Variants in PDLIM5 observed in about 807,000 individuals in gnomAD.
PDLIM5 encodes PDZ and LIM domain protein 5.
Under a neutral mutation model 64.2 loss-of-function variants are expected in PDLIM5, and 34 were observed. That is an observed-to-expected ratio of 0.53 (90% confidence interval 0.40 to 0.71). The LOEUF (loss-of-function observed/expected upper bound fraction) is 0.71. PDLIM5 is among the 30% of genes least tolerant of loss of function. PDLIM5 has a pLI of 0.00. For synonymous variants in PDLIM5, 253 were observed against 269.1 expected (o/e 0.94, Z 0.59); for missense variants, 683 against 733.6 (o/e 0.93, Z 0.80).
At chr4:94,550,126 A>G (rs1732684029) in intron 3 of PDLIM5, 1 of 152,064 alleles carries the variant, frequency 6.6e-6, no homozygotes, top group South Asian at 2.1e-4. Flanking sequence ...TTATATAATG[A>G]TTCAGTAGAA....
intron 8 of PDLIM5, among the ~76,000 whole-genome samples, chr4:94,630,521 G>T (rs777193519): frequency 2.6e-5 from 4 of 151,890 alleles, no homozygotes; most frequent in Admixed American, 1.3e-4. Flanking sequence ...TTACAGGCAC[G>T]CACCACCATG....
At chr4:94,546,998 T>C (rs1446797014) in intron 3 of PDLIM5, among the ~76,000 whole-genome samples, 2 of 152,130 alleles carry the variant, frequency 1.3e-5, no homozygotes, top group Non-Finnish European at 2.9e-5. Flanking sequence ...CTAAAGTTAG[T>C]GGTAAAACTT....
chr4:94,480,113 A>G (rs1725721163), intron 2 of PDLIM5, among the ~76,000 whole-genome samples: 2 of 152,230 alleles, frequency 1.3e-5, no homozygotes, highest in South Asian at 4.1e-4. Flanking sequence ...CTTACTCACC[A>G]TGATTACTTT....
At chr4:94,615,666 C>CA (rs1415219920) in intron 7 of PDLIM5, among the ~76,000 whole-genome samples, 1 of 152,190 alleles carries the variant, frequency 6.6e-6, no homozygotes, top group African/African-American at 2.4e-5. Flanking sequence ...GAGCCTTCCA[C>CA]AGGCTAAATG....
At chr4:94,463,945 T>C (rs780462670) in intron 2 of PDLIM5, among the ~76,000 whole-genome samples, 35 of 152,210 alleles carry the variant, frequency 2.3e-4, no homozygotes, top group Non-Finnish European at 5.1e-4. Flanking sequence ...AGTCAGGCAT[T>C]GTGAAGGTAT....
intron 9 of PDLIM5, among the ~76,000 whole-genome samples, chr4:94,650,471 A>G (rs1039504679): frequency 2.0e-5 from 3 of 152,124 alleles, no homozygotes; most frequent in African/African-American, 4.8e-5. Context: ...TTTTACTTCT[A>G]TTGATACAGT....
chr4:94,654,641 GTAAGT>G lies in PDLIM5; in HGVS notation c.1464+2_1464+6del. Reference sequence around the variant, plus strand: ...TCGATGCCAAAGGAAGATCCTTGGAGTAAGTATTGGAAACGTTTTTATTCTGAATG... The same window carrying G: ...TCGATGCCAAAGGAAGATCCTTGGAGATTGGAAACGTTTTTATTCTGAATG... On this transcript the variant is annotated splice_donor_variant and splice_donor_5th_base_variant and intron_variant, in intron 10 of 12. Coordinates refer to ENST00000317968, the MANE Select transcript of PDLIM5 (RefSeq NM_006457.5). LOFTEE classifies it high-confidence loss of function. 6.3e-7 allele frequency: 1 copy of G among 1,590,062 alleles called. No individual in the cohort carries two copies. Among genetic ancestry groups the G allele is most frequent in the Non-Finnish European group, 8.6e-7 (1 of 1,160,358 alleles).
chr4:94,529,371 C>T (rs937447638), intron 3 of PDLIM5, among the ~76,000 whole-genome samples: 3 of 152,034 alleles, frequency 2.0e-5, no homozygotes, highest in African/African-American at 7.2e-5. Flanking sequence ...GAGAACGAAA[C>T]CCAGTTTTTG....
chr4:94,629,743 C>G (rs1227025477), intron 8 of PDLIM5, among the ~76,000 whole-genome samples: 1 of 152,196 alleles, frequency 6.6e-6, no homozygotes, highest in Non-Finnish European at 1.5e-5. Flanking sequence ...TGCTTTATAG[C>G]AAACATACCA....
chr4:94,635,585 T>C (rs556650592), intron 8 of PDLIM5, among the ~76,000 whole-genome samples: 2 of 152,236 alleles, frequency 1.3e-5, no homozygotes, highest in Non-Finnish European at 2.9e-5. Context: ...TGGAGCATTT[T>C]AGAGGTCAAT....
chr4:94,576,271 T>C (rs1735247102), intron 5 of PDLIM5, among the ~76,000 whole-genome samples: 2 of 131,456 alleles, frequency 1.5e-5, no homozygotes, highest in Admixed American at 8.1e-5. Flanking sequence ...GTAACATCTC[T>C]GTAACTCATT....
Position 94,630,131 on chromosome 4 carries a change from C to T in PDLIM5, c.1109-10145C>T, listed in dbSNP as rs146369479. ...TATGTGTAAAATTGCTACCATACCA[C>T]TGAGAACATATTTCCTGAGATGTTG... On this transcript the variant is annotated intron_variant, in intron 8 of 12. Coordinates refer to ENST00000317968, the MANE Select transcript of PDLIM5 (RefSeq NM_006457.5). Among the ~76,000 whole-genome samples, 54 of 152,286 alleles carry T rather than the reference C, an allele frequency of 3.5e-4. No homozygotes were observed. The South Asian group carries it at 4.1e-3, about 12-fold the overall frequency.
intron 7 of PDLIM5, among the ~76,000 whole-genome samples, chr4:94,589,211 A>G (rs1231876852): frequency 6.6e-6 from 1 of 152,220 alleles, no homozygotes; most frequent in Non-Finnish European, 1.5e-5. Flanking sequence ...CAAGAATCCA[A>G]TTTCTAGAAT....
Position 94,462,003 on chromosome 4 carries a change from A to G in PDLIM5, c.96+6619A>G, listed in dbSNP as rs894852957. On this transcript the variant is annotated intron_variant, in intron 2 of 12. Transcript: ENST00000317968. ...CTCAGCCTCTTGAGTAGCTGGGATTACAAGCATTCGCCACCATGCCCAGCT... is the reference window on the plus strand; with the variant it reads ...CTCAGCCTCTTGAGTAGCTGGGATTGCAAGCATTCGCCACCATGCCCAGCT... 5.3e-5 allele frequency among the ~76,000 whole-genome samples: 8 copies of G among 152,230 alleles called. No individual in the cohort carries two copies. In the East Asian group the frequency reaches 1.4e-3, roughly 26 times the overall value.
intron 11 of PDLIM5, among the ~76,000 whole-genome samples, chr4:94,658,890 TTTTGTTTG>T (rs200941910): frequency 3.9e-5 from 6 of 152,072 alleles, no homozygotes; most frequent in Admixed American, 6.5e-5. Flanking sequence ...AAGGGCTGGG[TTTTGTTTG>T]TTTGTTTGTT....
intron 2 of PDLIM5, among the ~76,000 whole-genome samples, chr4:94,505,076 A>G (rs1728266053): frequency 6.6e-6 from 1 of 152,178 alleles, no homozygotes; most frequent in African/African-American, 2.4e-5. Flanking sequence ...ATTCAGCACA[A>G]CACTTCTGAC....
chr4:94,646,152 G>T (rs1481533566), intron 9 of PDLIM5, among the ~76,000 whole-genome samples: 4 of 152,148 alleles, frequency 2.6e-5, no homozygotes, highest in Non-Finnish European at 5.9e-5. Flanking sequence ...TCTTAAGAAG[G>T]TTACTGTTGT....
At chr4:94,599,406 A>T (rs192768275) in intron 7 of PDLIM5, among the ~76,000 whole-genome samples, 21 of 152,242 alleles carry the variant, frequency 1.4e-4, no homozygotes, top group Admixed American at 1.4e-3. Flanking sequence ...AGCTAATGAG[A>T]TTGGTCAGAG....
intron 1 of PDLIM5, among the ~76,000 whole-genome samples, 196 bp downstream of exon 1, chr4:94,452,191 G>GCGCCCGGAAAAGGGC (rs1722913887): frequency 1.3e-5 from 2 of 152,166 alleles, no homozygotes. Context: ...GGGAAAAGGA[G>GCGCCCGGAAAAGGGC]CGCCCGGAAA....
Sources: allele counts gnomAD v4.1 joint callset (sites outside exome capture counted in the v4.1 genomes callset), GRCh38; gene constraint gnomAD v4.1.1; transcripts MANE v1.5; gene names NCBI Gene and HGNC (gene_info 2026-07-23, HGNC 2026-07-21).